The following SIPA1L1 variants were observed in gnomAD, a reference collection of about 807,000 sequenced individuals.
The protein encoded by SIPA1L1 is signal induced proliferation associated 1 like 1, also known as signal-induced proliferation-associated 1-like protein 1.
SIPA1L1 carries 26 observed loss-of-function variants against 162.7 expected under a neutral mutation model. The observed-to-expected ratio is 0.16, with a 90% CI of 0.12 to 0.22. The LOEUF is 0.22. Ranked by LOEUF, SIPA1L1 falls within the 10% of genes least tolerant of loss-of-function variation. The pLI, the probability that SIPA1L1 is intolerant of heterozygous loss-of-function variation, is 1.00. For missense variants in SIPA1L1, 1,874 were observed against 2,241.0 expected, an observed-to-expected ratio of 0.84 and a Z score of 3.31; for synonymous variants, 829 against 837.4, an observed-to-expected ratio of 0.99 and a Z score of 0.17.
Position 71,427,667 on chromosome 14 carries a change from T to A in SIPA1L1, c.-464-85076T>A, listed in dbSNP as rs143389711. ...ATTGTCCTCTCTTCAGGTTCACTGA[T>A]TCTTTCTTCTGCATCCTCAAATCTG... On this transcript the variant is annotated intron_variant, in intron 2 of 23. Transcript: ENST00000381232. Among the ~76,000 whole-genome samples, 12 of 152,304 alleles carry A rather than the reference T, an allele frequency of 7.9e-5. No homozygotes were observed. The East Asian group carries it at 2.3e-3, about 29-fold the overall frequency.
chr14:71,658,271 C>A (rs983135982), intron 8 of SIPA1L1, 62 bp from the exon 9 acceptor site: 3 of 816,684 alleles, frequency 3.7e-6, no homozygotes, highest in African/African-American at 3.6e-5. Context: ...TGAGATATTT[C>A]TCTTAAATAA....
chr14:71,575,490 G>A (rs1316744094), intron 4 of SIPA1L1, among the ~76,000 whole-genome samples: 1 of 152,122 alleles, frequency 6.6e-6, no homozygotes, highest in East Asian at 1.9e-4. Flanking sequence ...AAGGGGCAAA[G>A]GAGAGACTTG....
chr14:71,689,501 G>A (rs575633909), intron 13 of SIPA1L1, among the ~76,000 whole-genome samples: 1 of 152,288 alleles, frequency 6.6e-6, no homozygotes, highest in African/African-American at 2.4e-5. Context: ...GCTGTGGCAC[G>A]CTGAACTTGA....
intron 2 of SIPA1L1, among the ~76,000 whole-genome samples, chr14:71,338,931 C>T (rs147623474): frequency 8.2e-4 from 124 of 151,824 alleles, no homozygotes; most frequent in African/African-American, 2.9e-3. Flanking sequence ...GCAGAGATGG[C>T]GTTTCACCAT....
intron 4 of SIPA1L1, among the ~76,000 whole-genome samples, chr14:71,558,536 CCA>C (rs1175808559): frequency 2.0e-5 from 3 of 152,132 alleles, no homozygotes; most frequent in African/African-American, 7.2e-5. Flanking sequence ...TTGGCTGTAA[CCA>C]GAACTGTAAT....
At chr14:71,473,053 A>C (rs922868341) in intron 2 of SIPA1L1, among the ~76,000 whole-genome samples, 1 of 151,960 alleles carries the variant, frequency 6.6e-6, no homozygotes, top group Non-Finnish European at 1.5e-5. Context: ...TAATTACATG[A>C]TAATTATATT....
intron 2 of SIPA1L1, among the ~76,000 whole-genome samples, chr14:71,443,646 G>A (rs909039693): frequency 2.0e-5 from 3 of 152,148 alleles, no homozygotes; most frequent in African/African-American, 7.2e-5. Flanking sequence ...TATTTTTCAT[G>A]ATGGTAATGA....
chr14:71,377,012 A>G lies in SIPA1L1; in HGVS notation c.-465+55831A>G, dbSNP rs1394646030. ...CCCCTTTCTATTCGACAAAACCACCATCGTCATTATGGCCCGTTCTCAGTG... is the reference window on the plus strand; with the variant it reads ...CCCCTTTCTATTCGACAAAACCACCGTCGTCATTATGGCCCGTTCTCAGTG... On this transcript the variant is annotated intron_variant, in intron 2 of 23. Transcript: ENST00000381232. The surrounding 1 kb of genome is among the most constrained non-coding windows in gnomAD (Gnocchi z 4.8). Among the ~76,000 whole-genome samples, 1 of 152,044 alleles carries G rather than the reference A, an allele frequency of 6.6e-6. No homozygotes were observed. Among genetic ancestry groups the G allele is most frequent in the Admixed American group, 6.5e-5 (1 of 15,274 alleles).
In SIPA1L1 at chr14:71,633,101, C is replaced by A. The variant is rs1461798185; in HGVS notation, c.1818+8865C>A. 5.1e-5 allele frequency among the ~76,000 whole-genome samples: 7 copies of A among 136,234 alleles called. No homozygotes were observed. The Admixed American group carries it at 5.3e-4, about 10-fold the overall frequency. 89.4% of individuals were successfully genotyped at this position (136,234 alleles called of 152,430 possible). A position where few individuals can be genotyped will look rare whatever the true frequency, so the allele number is the denominator to read the frequency against. On this transcript the variant is annotated intron_variant, in intron 7 of 23. Transcript: ENST00000381232. Reference sequence around the variant, plus strand: ...ATGAAAATGTTTCAATGAGCAATTACAAGCATGATTGTTATGTTATGTTAT... The same window carrying A: ...ATGAAAATGTTTCAATGAGCAATTAAAAGCATGATTGTTATGTTATGTTAT...
chr14:71,489,553 T>C (rs12127), intron 2 of SIPA1L1, among the ~76,000 whole-genome samples: 31,537 of 152,126 alleles, frequency 0.21, 3,509 homozygotes, highest in Middle Eastern at 0.37. Flanking sequence ...TTCTTCAGTG[T>C]GATTTAGGTG....
rs2152889947 is a variant in SIPA1L1, at chr14:71,740,424, TG to T, written c.*1267del. On this transcript the variant is annotated 3_prime_UTR_variant, in exon 24 of 24. Coordinates refer to ENST00000381232, the MANE Select transcript of SIPA1L1 (RefSeq NM_001386936.1). The stretch of plus-strand genomic sequence containing the variant: ...AAGGCTGCTGTAGAGCACAGAGACA[TG>T]GGGCTGGCCAGTGTTGACTGACCTG... The T allele has an allele frequency of 6.6e-6, 1 of 152,354 alleles. No individual in the cohort carries two copies. Among genetic ancestry groups the T allele is most frequent in the South Asian group, 2.1e-4 (1 of 4,824 alleles). The allele number at this position is 152,354 out of a possible 1,614,324, so 9.4% of individuals were successfully genotyped here.
chr14:71,539,322 C>A (rs187150292), intron 4 of SIPA1L1, among the ~76,000 whole-genome samples: 3 of 152,262 alleles, frequency 2.0e-5, no homozygotes, highest in South Asian at 4.2e-4. Flanking sequence ...TGTAAATATT[C>A]TCTATTCACT....
chr14:71,583,632 T>C (rs560974535), intron 4 of SIPA1L1, among the ~76,000 whole-genome samples: 1 of 152,264 alleles, frequency 6.6e-6, no homozygotes, highest in Admixed American at 6.5e-5. Context: ...TCTTTCATTC[T>C]ATTCCTTGAA....
In SIPA1L1 at chr14:71,686,888, CTGAG is replaced by C. The variant is rs1042011574; in HGVS notation, c.3374+1260_3374+1263del. On this transcript the variant is annotated intron_variant, in intron 13 of 23. Transcript: ENST00000381232. ...AAGCCAAAACATGAGCCTGACTCAT[CTGAG>C]TGGCAAGAACCAGGTCTGGCAGGAG... 3.9e-5 allele frequency among the ~76,000 whole-genome samples: 6 copies of C among 152,330 alleles called. 1 individual carries two copies. Among genetic ancestry groups the C allele is most frequent in the Admixed American group, 6.5e-5 (1 of 15,308 alleles).
intron 5 of SIPA1L1, among the ~76,000 whole-genome samples, chr14:71,591,591 G>C (rs2035400946): frequency 6.6e-6 from 1 of 152,178 alleles, no homozygotes; most frequent in African/African-American, 2.4e-5. Context: ...ATTGGAACTA[G>C]TGAATTGAAA....
rs1595230780 is a variant in SIPA1L1 at position 71,399,067 on chromosome 14, G to A, written c.-465+77886G>A. Among the ~76,000 whole-genome samples the A allele has an allele frequency of 3.3e-5, 5 of 152,328 alleles. No homozygotes were observed. In the South Asian group the frequency reaches 8.3e-4, roughly 25 times the overall value. Reference sequence around the variant, plus strand: ...CATTGAGGAGTGGCAACTAAGTTTAGCACTTATTTTTGAGAATAAGGAAAC... The same window carrying A: ...CATTGAGGAGTGGCAACTAAGTTTAACACTTATTTTTGAGAATAAGGAAAC... On this transcript the variant is annotated intron_variant, in intron 2 of 23. Transcript: ENST00000381232.
intron 2 of SIPA1L1, among the ~76,000 whole-genome samples, chr14:71,478,990 TC>T (rs2048105455): frequency 6.6e-6 from 1 of 152,086 alleles, no homozygotes; most frequent in African/African-American, 2.4e-5. Flanking sequence ...ATGGAGTGTT[TC>T]CCCCATTTTC....
At chr14:71,343,102 A>T (rs2140446806) in intron 2 of SIPA1L1, among the ~76,000 whole-genome samples, 1 of 152,306 alleles carries the variant, frequency 6.6e-6, no homozygotes, top group East Asian at 1.9e-4. Flanking sequence ...ACAATAAATC[A>T]CCTTGATTGG....
intron 4 of SIPA1L1, among the ~76,000 whole-genome samples, chr14:71,567,081 A>G (rs1307912901): frequency 6.6e-6 from 1 of 152,222 alleles, no homozygotes; most frequent in Non-Finnish European, 1.5e-5. Context: ...AAGCAACAAG[A>G]TAACACTTTA....
Sources: gnomAD v4.1 joint callset for allele counts (sites outside exome capture counted in the v4.1 genomes callset) on GRCh38, gnomAD v4.1.1 for gene constraint, Gnocchi (gnomAD v3.1) non-coding constraint, MANE v1.5 for transcripts, NCBI Gene and HGNC (gene_info 2026-07-23, HGNC 2026-07-21) for gene names.